The following ZNF536 variants were observed in gnomAD, a reference collection of about 807,000 sequenced individuals.
The protein encoded by ZNF536 is zinc finger protein 536.
Under a neutral mutation model 84.5 loss-of-function variants are expected in ZNF536, and 13 were observed. That is an observed-to-expected ratio of 0.15 (90% CI 0.10 to 0.24). ZNF536 has a LOEUF of 0.24. ZNF536 is among the 10% of genes least tolerant of loss of function. The probability of loss-of-function intolerance (pLI) is 1.00; values close to 1 mark genes in which losing one functional copy is unlikely to be tolerated. For missense variants in ZNF536, 1,536 were observed against 1,747.5 expected (o/e 0.88, Z 2.16); for synonymous variants, 811 against 742.5 (o/e 1.09, Z -1.50).
In ZNF536 at chr19:30,445,806, G is replaced by C. The variant is rs2148240415; in HGVS notation, c.2170+74G>C. ...TCAGGGCTGCCTGGTTCTGCTCCCA[G>C]GCCTCCAGTCAGTTCCAAGGCCAGT... On this transcript the variant is annotated intron_variant, in intron 2 of 4. Transcript: ENST00000355537. This position sits in a 1 kb window ranked among gnomAD's most constrained non-coding sequence, Gnocchi z 4.5. 2 of 1,499,556 alleles carry C rather than the reference G, an allele frequency of 1.3e-6. No homozygotes were observed. Among genetic ancestry groups the C allele is most frequent in the Non-Finnish European group, 1.8e-6 (2 of 1,125,500 alleles). 92.9% of individuals were successfully genotyped at this position (1,499,556 alleles called of 1,614,324 possible). A position where few individuals can be genotyped will look rare whatever the true frequency, so the allele number is the denominator to read the frequency against.
At position 30,617,575 on chromosome 19, in the gene ZNF536, C is replaced by A. The variant is rs572139853; in HGVS notation, c.169+68061C>A. On this transcript the variant is annotated intron_variant, in intron 1 of 1. Transcript: ENST00000592773. ...CTGTGTTAGTCAGGATGGTCTCGAT[C>A]TCCTGACCTCGTGATCTGCCCACTG... 4.0e-5 allele frequency among the ~76,000 whole-genome samples: 6 copies of A among 151,728 alleles called. No individual in the cohort carries two copies. The South Asian group carries it at 1.3e-3, about 32-fold the overall frequency.
chr19:30,561,014 G>A (rs1342747528), downstream of ZNF536, among the ~76,000 whole-genome samples: 2 of 152,182 alleles, frequency 1.3e-5, no homozygotes, highest in African/African-American at 4.8e-5. Context: ...TTCACGAGGG[G>A]TTTGTCTTTC....
In ZNF536 at chr19:30,642,783, A is replaced by G. The variant is rs562484173; in HGVS notation, c.170-67974A>G. On this transcript the variant is annotated intron_variant, in intron 1 of 1. Transcript: ENST00000592773. The stretch of plus-strand genomic sequence containing the variant: ...AAGGCTCTGTCTGAGGGTGAGATGG[A>G]TGAGTCAGTCAGTGCCTTCTTTGAG... Among the ~76,000 whole-genome samples the G allele has an allele frequency of 1.4e-4, 22 of 152,226 alleles. No individual in the cohort carries two copies. The South Asian group carries it at 2.3e-3, about 16-fold the overall frequency.
At chr19:30,268,376 T>A (rs1312951006) in intron 1 of ZNF536, among the ~76,000 whole-genome samples, 1 of 152,146 alleles carries the variant, frequency 6.6e-6, no homozygotes, top group African/African-American at 2.4e-5. Context: ...GGCTTGGATG[T>A]TAATTTGAAT....
At chr19:30,559,705 C>G (rs2046090228), downstream of ZNF536, among the ~76,000 whole-genome samples, 1 of 152,092 alleles carries the variant, frequency 6.6e-6, no homozygotes, top group African/African-American at 2.4e-5. Flanking sequence ...AGTGCAAAGC[C>G]AGTGAGGGAG....
chr19:30,228,273 G>A (rs929875842), upstream of ZNF536: 5 of 152,130 alleles, frequency 3.3e-5, no homozygotes, highest in Admixed American at 2.6e-4. This position sits in a 1 kb window ranked among gnomAD's most constrained non-coding sequence, Gnocchi z 4.5. Context: ...AGGAAAAAGG[G>A]GTGAGAGACG....
At chr19:30,647,546 G>C (rs992789412) in intron 1 of ZNF536, among the ~76,000 whole-genome samples, 1 of 152,182 alleles carries the variant, frequency 6.6e-6, no homozygotes, top group African/African-American at 2.4e-5. Context: ...GGAAATGCTT[G>C]TCTGTTGCTG....
chr19:30,480,455 A>G (rs1311601726), intron 2 of ZNF536, among the ~76,000 whole-genome samples: 1 of 152,158 alleles, frequency 6.6e-6, no homozygotes, highest in Non-Finnish European at 1.5e-5. Flanking sequence ...GGAACAGAAA[A>G]CCAAACACCG....
At chr19:30,383,780 CTTT>C (rs2049160827) in intron 1 of ZNF536, among the ~76,000 whole-genome samples, 1 of 90,136 alleles carries the variant, frequency 1.1e-5, no homozygotes, top group Non-Finnish European at 2.4e-5. Context: ...TCTTTTCTTT[CTTT>C]CTTTCTTTTC....
In ZNF536 at chr19:30,415,571, A is replaced by G. The variant is rs1025983823; in HGVS notation, c.-2-27990A>G. ...TTCTCAGTCTACAGACTGAAAAATC[A>G]TCATGATCATCATCATCGTCATCGT... On this transcript the variant is annotated intron_variant, in intron 1 of 4. Transcript: ENST00000355537. Among the ~76,000 whole-genome samples, 3 of 141,532 alleles carry G rather than the reference A, an allele frequency of 2.1e-5. No individual in the cohort carries two copies. The East Asian group carries it at 7.1e-4, about 34-fold the overall frequency. The allele number at this position is 141,532 out of a possible 152,430, so 92.9% of individuals were successfully genotyped here.
chr19:30,626,894 G>T (rs1397329570), intron 1 of ZNF536, among the ~76,000 whole-genome samples: 5 of 152,220 alleles, frequency 3.3e-5, no homozygotes, highest in Admixed American at 2.0e-4. Context: ...CCTCCAGGCT[G>T]CCCTCCCGTC....
chr19:30,451,844 G>A (rs989230588), intron 2 of ZNF536, among the ~76,000 whole-genome samples: 3 of 152,196 alleles, frequency 2.0e-5, no homozygotes, highest in African/African-American at 4.8e-5. Flanking sequence ...GCATGTTAGC[G>A]CAAGGGACGG....
intron 2 of ZNF536, among the ~76,000 whole-genome samples, chr19:30,301,626 G>T (rs2046187553): frequency 6.6e-6 from 1 of 152,158 alleles, no homozygotes; most frequent in African/African-American, 2.4e-5. Flanking sequence ...GTCCTTAGTA[G>T]GTGGCTTTAA....
intron 2 of ZNF536, among the ~76,000 whole-genome samples, chr19:30,483,947 T>A (rs2144922112): frequency 6.6e-6 from 1 of 152,160 alleles, no homozygotes; most frequent in African/African-American, 2.4e-5. Context: ...CTCTGTGTGT[T>A]CAGCTCTCTC....
chr19:30,497,404 A>G (rs1299276503), intron 2 of ZNF536, among the ~76,000 whole-genome samples: 2 of 151,968 alleles, frequency 1.3e-5, no homozygotes, highest in Admixed American at 1.3e-4. Flanking sequence ...AGAAAGGGGT[A>G]GCTTCTGACA....
At chr19:30,289,878 A>G (rs1016891899) in intron 2 of ZNF536, among the ~76,000 whole-genome samples, 4 of 152,238 alleles carry the variant, frequency 2.6e-5, no homozygotes, top group South Asian at 2.1e-4. Flanking sequence ...TTGCGATAAA[A>G]TACACATAAT....
At chr19:30,321,686 G>C (rs1309494198) in intron 2 of ZNF536, among the ~76,000 whole-genome samples, 1 of 151,360 alleles carries the variant, frequency 6.6e-6, no homozygotes, top group East Asian at 1.9e-4. Context: ...CTAACCTCTA[G>C]GTAAACTTCC....
At chr19:30,536,477 C>A (rs1278022177) in intron 3 of ZNF536, among the ~76,000 whole-genome samples, 1 of 151,374 alleles carries the variant, frequency 6.6e-6, no homozygotes, top group Non-Finnish European at 1.5e-5. Context: ...TCCCACCAAA[C>A]AGAGTCTAAG....
chr19:30,326,426 C>A (rs1000937141), intron 2 of ZNF536, among the ~76,000 whole-genome samples: 58 of 152,194 alleles, frequency 3.8e-4, no homozygotes, highest in African/African-American at 1.3e-3. Flanking sequence ...GAAGCCAGAG[C>A]TCTTTAAACA....
Sources: allele counts gnomAD v4.1 joint callset (sites outside exome capture counted in the v4.1 genomes callset), GRCh38; gene constraint gnomAD v4.1.1; non-coding constraint Gnocchi (gnomAD v3.1); transcripts MANE v1.5; gene names NCBI Gene and HGNC (gene_info 2026-07-23, HGNC 2026-07-21).